The following NCAPG variants were observed in gnomAD, a reference collection of about 807,000 sequenced individuals.
The protein encoded by NCAPG is condensin complex subunit 3.
A neutral mutation model predicts 113.1 loss-of-function variants in NCAPG; 69 were observed. The observed-to-expected ratio is 0.61, with a 90% confidence interval of 0.50 to 0.75. NCAPG has a LOEUF of 0.75. Among genes scored for constraint, NCAPG ranks in the 30% least tolerant of loss-of-function variants. NCAPG has a pLI of 0.00. For missense variants in NCAPG, 1,058 were observed against 1,177.0 expected (o/e 0.90, Z 1.48); for synonymous variants, 370 against 415.8 (o/e 0.89, Z 1.34).
At position 17,818,844 on chromosome 4, in the gene NCAPG, A is replaced by G. The variant is rs1721328289; in HGVS notation, c.1118+756A>G. On this transcript the variant is annotated intron_variant, in intron 7 of 20. Coordinates refer to ENST00000251496, the MANE Select transcript of NCAPG (RefSeq NM_022346.5). The stretch of plus-strand genomic sequence containing the variant: ...GATTACTTTATTTCACTTTAAAATT[A>G]TACAAGAAAAACATGAATGCATTCT... 2.0e-5 allele frequency among the ~76,000 whole-genome samples: 3 copies of G among 152,236 alleles called. No homozygotes were observed. In the South Asian group the frequency reaches 6.2e-4, roughly 31 times the overall value.
At chr4:17,819,453 G>A (rs1021828845) in intron 7 of NCAPG, among the ~76,000 whole-genome samples, 1 of 151,612 alleles carries the variant, frequency 6.6e-6, no homozygotes, top group Admixed American at 6.6e-5. Context: ...CCAGGCTGGA[G>A]TGCAATAGTG....
At chr4:17,814,110 T>C (rs762265404) in intron 3 of NCAPG, among the ~76,000 whole-genome samples, 4 of 152,206 alleles carry the variant, frequency 2.6e-5, no homozygotes, top group Non-Finnish European at 5.9e-5. Flanking sequence ...TTAGGTCTCA[T>C]TAAAAACCAA....
intron 19 of NCAPG, chr4:17,841,897 T>C (rs898857972): frequency 1.3e-5 from 2 of 155,284 alleles, no homozygotes; most frequent in African/African-American, 4.8e-5. Context: ...AAAAAAGTTG[T>C]TTCTTTAGCA....
At chr4:17,823,372 T>C (rs1261005051) in intron 8 of NCAPG, among the ~76,000 whole-genome samples, 1 of 152,178 alleles carries the variant, frequency 6.6e-6, no homozygotes, top group Non-Finnish European at 1.5e-5. Context: ...TTAAGGCTAG[T>C]AGCATTTTCT....
chr4:17,842,052 CTTT>C, intron 19 of NCAPG: 1 of 372,858 alleles, frequency 2.7e-6, no homozygotes, highest in Non-Finnish European at 5.0e-6. Context: ...AATTTGCCTT[CTTT>C]TAACTTGCTT....
Position 17,825,495 on chromosome 4 carries a change from A to G in NCAPG, c.1587A>G (p.Glu529=). 1 of 1,610,460 alleles carries G rather than the reference A, an allele frequency of 6.2e-7. No homozygotes were observed. Among genetic ancestry groups the G allele is most frequent in the South Asian group, 1.1e-5 (1 of 90,596 alleles). ...SELKEEIKAL[E]DARINLLKET... ...TAAAAGAAGAAATAAAAGCATTAGA[A>G]GATGCCAGAATAAACCTTTTGAAAG... The change falls in exon 11 of 21, where the codon GAA becomes GAG. Residue 529 remains glutamate (E), a synonymous_variant. Coordinates refer to ENST00000251496, the MANE Select transcript of NCAPG (RefSeq NM_022346.5).
At chr4:17,833,125 A>G (rs1455398554) in intron 13 of NCAPG, among the ~76,000 whole-genome samples, 4 of 152,122 alleles carry the variant, frequency 2.6e-5, no homozygotes, top group Admixed American at 6.6e-5. Flanking sequence ...TAATCCCAGC[A>G]CTTTGGGAGG....
Position 17,823,749 on chromosome 4 carries a change from T to G in NCAPG, c.1362T>G (p.Asp454Glu), listed in dbSNP as rs1721549330. The G allele has an allele frequency of 6.3e-7, 1 of 1,597,918 alleles. No homozygotes were observed. The highest frequency in any genetic ancestry group is 1.3e-5 in the African/African-American group (1 of 74,396). ...LVERLLHIII[D>E]DNKRTQIVTE... ...AAAGACTACTCCACATCATTATAGA[T>G]GATAATAAGAGAACACAAATTGTAA... Residue 454 changes from aspartate to glutamate, a missense_variant, in exon 9 of 21, where the codon GAT becomes GAG. Coordinates refer to ENST00000251496, the MANE Select transcript of NCAPG (RefSeq NM_022346.5).
Position 17,837,216 on chromosome 4 carries a change from C to T in NCAPG, c.2167C>T (p.Leu723Phe). 1 of 1,613,972 alleles carries T rather than the reference C, an allele frequency of 6.2e-7. No individual in the cohort carries two copies. Among genetic ancestry groups the T allele is most frequent in the Non-Finnish European group, 8.5e-7 (1 of 1,179,934 alleles). Reference sequence around the variant, plus strand: ...ACTAGCCAAGCTGATGTTCTCTGGGCTTTTGGTCAGCAGCAGGATTCTTTC... The same window carrying T: ...ACTAGCCAAGCTGATGTTCTCTGGGTTTTTGGTCAGCAGCAGGATTCTTTC... The part of the protein sequence containing the change: ...EGLAKLMFSG[L>F]LVSSRILSRL... Residue 723 changes from leucine (L) to phenylalanine (F), a missense_variant, in exon 15 of 21, where the codon CTT (leucine) becomes TTT (phenylalanine). Transcript: ENST00000251496.
chr4:17,819,908 C>G (rs1186867487), intron 7 of NCAPG, among the ~76,000 whole-genome samples: 2 of 152,030 alleles, frequency 1.3e-5, no homozygotes, highest in African/African-American at 4.8e-5. Flanking sequence ...TAGCTCAAGC[C>G]CATGTTAACA....
intron 3 of NCAPG, chr4:17,813,361 A>C (rs908768786): frequency 1.4e-5 from 5 of 369,614 alleles, no homozygotes; most frequent in Non-Finnish European, 2.4e-5. Flanking sequence ...CCTCAGAAGT[A>C]ACTATTAAAT....
chr4:17,813,030 T>C lies in NCAPG; in HGVS notation c.429T>C (p.Ile143=). ...TTGATGATGATGTGTTTGATAAAAT[T>C]AATAAAGCCATGCTTATTAGATTGA... ...AQIDDDVFDK[I]NKAMLIRLKD... Residue 143 remains isoleucine (I), a synonymous_variant, in exon 3 of 21, where the codon ATT becomes ATC. Coordinates refer to ENST00000251496, the MANE Select transcript of NCAPG (RefSeq NM_022346.5). The C allele has an allele frequency of 3.1e-6, 5 of 1,614,078 alleles. No individual in the cohort carries two copies. The highest frequency in any genetic ancestry group is 4.2e-6 in the Non-Finnish European group (5 of 1,179,946).
At chr4:17,816,759 C>T (rs1721228360) in intron 5 of NCAPG, among the ~76,000 whole-genome samples, 1 of 152,186 alleles carries the variant, frequency 6.6e-6, no homozygotes, top group Non-Finnish European at 1.5e-5. Context: ...GTATTTGGTG[C>T]TGAACCTTTT....
intron 19 of NCAPG, 104 bp from the exon 20 acceptor site, chr4:17,842,206 G>C: frequency 2.1e-6 from 2 of 933,442 alleles, no homozygotes; most frequent in Non-Finnish European, 3.4e-6. Context: ...TGTGTTGAAA[G>C]GATTGTTGTG....
At chr4:17,826,510 TATTAA>T (rs1446276474) in intron 11 of NCAPG, among the ~76,000 whole-genome samples, 1 of 152,214 alleles carries the variant, frequency 6.6e-6, no homozygotes, top group East Asian at 1.9e-4. Context: ...CATTATAGGC[TATTAA>T]ATTTGGAAAG....
intron 20 of NCAPG, 40 bp from the exon 21 acceptor site, chr4:17,843,262 A>G (rs1482621444): frequency 6.3e-7 from 1 of 1,583,388 alleles, no homozygotes; most frequent in Non-Finnish European, 8.6e-7. Flanking sequence ...CTGGTTTTAA[A>G]GCTTGTATCT....
intron 7 of NCAPG, among the ~76,000 whole-genome samples, chr4:17,822,545 T>C (rs1334756675): frequency 2.6e-5 from 4 of 152,244 alleles, no homozygotes; most frequent in African/African-American, 9.6e-5. Context: ...CAGAACTTGA[T>C]AGATGCTTCT....
chr4:17,815,421 T>A, intron 5 of NCAPG, 63 bp downstream of exon 5: 4 of 1,234,312 alleles, frequency 3.2e-6, no homozygotes, highest in Non-Finnish European at 4.5e-6. Context: ...CTTAACAAGG[T>A]TTAAGAAACG....
Position 17,814,854 on chromosome 4 carries a change from A to C in NCAPG, c.546A>C (p.Ala182=). The change falls in exon 4 of 21, where the codon GCA becomes GCC. Residue 182 remains alanine (A), a splice_region_variant and synonymous_variant. Coordinates refer to ENST00000251496, the MANE Select transcript of NCAPG (RefSeq NM_022346.5). ...TAAAATGTATTGCTTTATTTTTAGC[A>C]TATGCTACTTTGATTGAAAATGATT... ...PKDDECPVVN[A]YATLIENDSN... 6.2e-7 allele frequency: 1 copy of C among 1,613,614 alleles called. No individual in the cohort carries two copies. Among genetic ancestry groups the C allele is most frequent in the Non-Finnish European group, 8.5e-7 (1 of 1,179,572 alleles).
Sources: gnomAD v4.1 joint callset for allele counts (sites outside exome capture counted in the v4.1 genomes callset) on GRCh38, gnomAD v4.1.1 for gene constraint, MANE v1.5 for transcripts, NCBI Gene and HGNC (gene_info 2026-07-23, HGNC 2026-07-21) for gene names.